The following TANGO2 variants were observed in gnomAD, a reference collection of about 807,000 sequenced individuals.
TANGO2 encodes the protein transport and Golgi organization protein 2 homolog.
Under a neutral mutation model 39.1 loss-of-function variants are expected in TANGO2, and 26 were observed. That is an observed-to-expected ratio of 0.67 (90% CI 0.49 to 0.92). The LOEUF (loss-of-function observed/expected upper bound fraction) is 0.92. Ranked by LOEUF, TANGO2 falls within the 40% of genes least tolerant of loss-of-function variation. TANGO2 has a pLI of 0.00. For synonymous variants in TANGO2, 131 were observed against 144.5 expected (o/e 0.91, Z 0.67); for missense variants, 326 against 360.1 (o/e 0.91, Z 0.77).
chr22:20,041,670 A>G (rs935285635), intron 2 of TANGO2, among the ~76,000 whole-genome samples: 12 of 148,494 alleles, frequency 8.1e-5, no homozygotes, highest in Non-Finnish European at 1.6e-4. Context: ...CTGGTCTTGA[A>G]CTCCTGACCT....
At chr22:20,034,736 G>T (rs1179982820) in intron 1 of TANGO2, among the ~76,000 whole-genome samples, 1 of 152,112 alleles carries the variant, frequency 6.6e-6, no homozygotes, top group South Asian at 2.1e-4. Context: ...CATCCTGTGG[G>T]GGTGACTGGA....
At position 20,057,135 on chromosome 22, in the gene TANGO2, G is replaced by A. The variant is rs117486510; in HGVS notation, c.451+1122G>A. On this transcript the variant is annotated intron_variant, in intron 6 of 8. Transcript: ENST00000327374. The surrounding 1 kb of genome is among the most constrained non-coding windows in gnomAD (Gnocchi z 4.1). ...ACACGGTGGAACTGAAGCCCCAGGCGTCCCTGGAGGGGCCCGAGGGAGATG... is the reference window on the plus strand; with the variant it reads ...ACACGGTGGAACTGAAGCCCCAGGCATCCCTGGAGGGGCCCGAGGGAGATG... 371 of 366,188 alleles carry A rather than the reference G, an allele frequency of 1.0e-3. No individual in the cohort carries two copies. The highest frequency in any genetic ancestry group is 7.3e-3 in the East Asian group (100 of 13,658). The allele number at this position is 366,188 out of a possible 1,614,324, so 22.7% of individuals were successfully genotyped here. A position where few individuals can be genotyped will look rare whatever the true frequency, so the allele number is the denominator to read the frequency against.
intron 1 of TANGO2, among the ~76,000 whole-genome samples, chr22:20,024,978 G>C (rs2040449412): frequency 6.6e-6 from 1 of 151,900 alleles, no homozygotes. Context: ...TTGGGTTCTT[G>C]CCCTTCCTTC....
chr22:20,043,337 G>GAT lies in TANGO2; in HGVS notation c.57-17_57-16dup. On this transcript the variant is annotated splice_polypyrimidine_tract_variant and intron_variant, in intron 2 of 8. Coordinates refer to ENST00000327374, the MANE Select transcript of TANGO2 (RefSeq NM_152906.7). ...CTCGTTTCCATCTGAAGCCATCAGT[G>GAT]ATGCTTTCCTCTTGCAGGCTCATCT... 2 of 1,594,438 alleles carry GAT rather than the reference G, an allele frequency of 1.3e-6. No individual in the cohort carries two copies. Among genetic ancestry groups the GAT allele is most frequent in the Non-Finnish European group, 1.7e-6 (2 of 1,163,158 alleles).
chr22:20,020,401 G>C (rs1385428288), upstream of TANGO2, among the ~76,000 whole-genome samples: 1 of 152,120 alleles, frequency 6.6e-6, no homozygotes, highest in Admixed American at 6.5e-5. Flanking sequence ...CCTCTGTCCT[G>C]TTGGGAGGGC....
intron 2 of TANGO2, among the ~76,000 whole-genome samples, chr22:20,042,663 G>A (rs2044190844): frequency 6.6e-6 from 1 of 152,116 alleles, no homozygotes; most frequent in Non-Finnish European, 1.5e-5. Context: ...TACTCAGGAG[G>A]CTGAGGCGGG....
intron 1 of TANGO2, among the ~76,000 whole-genome samples, chr22:20,029,549 G>A (rs1393134352): frequency 6.6e-6 from 1 of 152,168 alleles, no homozygotes; most frequent in Non-Finnish European, 1.5e-5. Flanking sequence ...TGTGAAGAGG[G>A]CTCTCTCTTT....
At chr22:20,035,456 C>T (rs577503982) in intron 1 of TANGO2, among the ~76,000 whole-genome samples, 1 of 152,378 alleles carries the variant, frequency 6.6e-6, no homozygotes, top group South Asian at 2.1e-4. Context: ...TGCACATGTG[C>T]ACATTTCAGG....
chr22:20,019,480 G>C (rs2039414196), upstream of TANGO2, among the ~76,000 whole-genome samples: 1 of 152,258 alleles, frequency 6.6e-6, no homozygotes, highest in Non-Finnish European at 1.5e-5. Flanking sequence ...GAAGATCAGA[G>C]TGTCTGCTCT....
intron 6 of TANGO2, chr22:20,056,985 G>C (rs1283537833): frequency 2.2e-6 from 1 of 455,554 alleles, no homozygotes; most frequent in South Asian, 1.5e-5. Context: ...CTCTGTGAGG[G>C]GGCTCCCTCA....
chr22:20,023,280 G>A (rs890552877), intron 1 of TANGO2, among the ~76,000 whole-genome samples: 3 of 144,328 alleles, frequency 2.1e-5, no homozygotes, highest in African/African-American at 8.1e-5. Flanking sequence ...TTGCGGGCAT[G>A]GTAGGAGTGC....
intron 5 of TANGO2, 28 bp from the exon 6 acceptor site, chr22:20,055,915 T>C (rs1219429028): frequency 5.0e-6 from 8 of 1,601,118 alleles, no homozygotes; most frequent in Non-Finnish European, 6.8e-6. Context: ...ATGGCTGTAG[T>C]CTGACATTCT....
Position 20,032,860 on chromosome 22 carries a change from G to C in TANGO2, c.-39-3900G>C, listed in dbSNP as rs114993806. ...CGTGTGCCCACATGCCCTGCGCCCAGATCAAGATATGGTGACCAAAAGGAC... is the reference window on the plus strand; with the variant it reads ...CGTGTGCCCACATGCCCTGCGCCCACATCAAGATATGGTGACCAAAAGGAC... On this transcript the variant is annotated intron_variant, in intron 1 of 8. Coordinates refer to ENST00000327374, the MANE Select transcript of TANGO2 (RefSeq NM_152906.7). Among the ~76,000 whole-genome samples the C allele has an allele frequency of 4.6e-3, 697 of 152,350 alleles. 6 individuals are homozygous for C. The highest frequency in any genetic ancestry group is 0.016 in the African/African-American group (670 of 41,570).
At chr22:20,056,041 GT>G in intron 6 of TANGO2, 28 bp downstream of exon 6, 1 of 1,587,376 alleles carries the variant, frequency 6.3e-7, no homozygotes, top group East Asian at 2.2e-5. Context: ...GCCTGATGGG[GT>G]GGGGGACTGT....
chr22:20,026,558 G>C (rs2040801680), intron 1 of TANGO2, among the ~76,000 whole-genome samples: 1 of 152,248 alleles, frequency 6.6e-6, no homozygotes. Context: ...ATTTCTACTA[G>C]ACAGCATCAC....
At chr22:20,061,760 C>G in intron 7 of TANGO2, 77 bp downstream of exon 7, 1 of 1,459,488 alleles carries the variant, frequency 6.9e-7, no homozygotes, top group Non-Finnish European at 9.1e-7. Flanking sequence ...CCCTGCTGCC[C>G]CGGGAGGCCC....
intron 7 of TANGO2, among the ~76,000 whole-genome samples, chr22:20,062,522 G>A (rs1196751246): frequency 6.6e-6 from 1 of 152,176 alleles, no homozygotes; most frequent in Non-Finnish European, 1.5e-5. Context: ...CCTCAGCATC[G>A]CTGCCTCACT....
At chr22:20,032,005 A>G (rs1043004032) in intron 1 of TANGO2, among the ~76,000 whole-genome samples, 5 of 152,184 alleles carry the variant, frequency 3.3e-5, no homozygotes, top group African/African-American at 1.2e-4. Context: ...GAGCCCCTCC[A>G]GGCTCACCTT....
chr22:20,061,744 G>A, intron 7 of TANGO2, 61 bp downstream of exon 7: 1 of 1,480,772 alleles, frequency 6.8e-7, no homozygotes, highest in Non-Finnish European at 9.0e-7. Context: ...CAGAGGGAAA[G>A]GCAGGCCCTG....
Sources: gnomAD v4.1 joint callset for allele counts (sites outside exome capture counted in the v4.1 genomes callset) on GRCh38, gnomAD v4.1.1 for gene constraint, Gnocchi (gnomAD v3.1) non-coding constraint, MANE v1.5 for transcripts, NCBI Gene and HGNC (gene_info 2026-07-23, HGNC 2026-07-21) for gene names.